WWOX: variants seen among roughly 807,000 people sequenced by gnomAD.
WWOX encodes the protein WW domain containing oxidoreductase.
A neutral mutation model predicts 46.2 loss-of-function variants in WWOX; 69 were observed. The observed-to-expected ratio is 1.49, with a 90% CI of 1.23 to 1.82. WWOX has a LOEUF of 1.82. Ranked by LOEUF, WWOX falls within the 40% of genes most tolerant of loss-of-function variation. The pLI, the probability that WWOX is intolerant of heterozygous loss-of-function variation, is 0.00. For missense variants in WWOX, 919 were observed against 542.6 expected, an observed-to-expected ratio of 1.69 and a Z score of -6.89; for synonymous variants, 359 against 202.6, an observed-to-expected ratio of 1.77 and a Z score of -6.56.
At chr16:78,429,445 C>G (rs1158899350) in intron 7 of WWOX, among the ~76,000 whole-genome samples, 1 of 152,050 alleles carries the variant, frequency 6.6e-6, no homozygotes, top group Non-Finnish European at 1.5e-5. Context: ...TGGAAGAGTT[C>G]ATTATGGAGA....
intron 8 of WWOX, among the ~76,000 whole-genome samples, chr16:79,060,133 C>T (rs369017073): frequency 6.6e-6 from 1 of 152,168 alleles, no homozygotes; most frequent in Admixed American, 6.6e-5. Context: ...CACCATTGTC[C>T]TCACCTATAC....
In WWOX at chr16:78,549,166, C is replaced by A. The variant is rs1025869169; in HGVS notation, c.1056+116414C>A. ...TACATCCGTAATTGGGAGAGATTGC[C>A]GGTCGTAAAGGAGGGACAATAGAAC... On this transcript the variant is annotated intron_variant, in intron 8 of 8. Coordinates refer to ENST00000566780, the MANE Select transcript of WWOX (RefSeq NM_016373.4). Among the ~76,000 whole-genome samples the A allele has an allele frequency of 4.1e-4, 63 of 152,066 alleles. 1 individual carries two copies. The highest frequency in any genetic ancestry group is 1.4e-3 in the African/African-American group (59 of 41,404).
rs59900108 is a variant in WWOX at position 78,541,473 on chromosome 16, C to CAAAAAA, written c.1056+108749_1056+108754dup. Among the ~76,000 whole-genome samples, 16 of 45,166 alleles carry CAAAAAA rather than the reference C, an allele frequency of 3.5e-4. 2 individuals carry two copies. The highest frequency in any genetic ancestry group is 9.8e-4 in the African/African-American group (9 of 9,192). 29.6% of individuals were successfully genotyped at this position (45,166 alleles called of 152,430 possible). ...TGGGCGACAGAGCGAGACTCCGTCTCAAAAAAAAAAAAAAAAAAAAAAAAA... is the reference window on the plus strand; with the variant it reads ...TGGGCGACAGAGCGAGACTCCGTCTCAAAAAAAAAAAAAAAAAAAAAAAAAAAAAAA... On this transcript the variant is annotated intron_variant, in intron 8 of 8. Transcript: ENST00000566780.
intron 8 of WWOX, among the ~76,000 whole-genome samples, chr16:78,804,704 A>T (rs1378576839): frequency 1.3e-5 from 2 of 152,150 alleles, no homozygotes; most frequent in Non-Finnish European, 2.9e-5. Flanking sequence ...TTTCTAATTT[A>T]GTGCTTGATA....
At chr16:79,023,530 T>C (rs537272474) in intron 8 of WWOX, among the ~76,000 whole-genome samples, 2 of 152,278 alleles carry the variant, frequency 1.3e-5, no homozygotes, top group African/African-American at 2.4e-5. Context: ...TGGGGCGTCC[T>C]TTAAGGTCTG....
At chr16:79,056,661 A>G (rs2048268086) in intron 8 of WWOX, among the ~76,000 whole-genome samples, 2 of 152,124 alleles carry the variant, frequency 1.3e-5, no homozygotes, top group African/African-American at 4.8e-5. Flanking sequence ...ACAAACACAA[A>G]TGTCTCCAAA....
chr16:78,387,041 G>C, intron 6 of WWOX, 93 bp downstream of exon 6: 3 of 1,336,022 alleles, frequency 2.2e-6, no homozygotes, highest in African/African-American at 2.9e-5. Context: ...CAAGGCTGTT[G>C]TGTTGTCTTG....
intron 8 of WWOX, among the ~76,000 whole-genome samples, chr16:78,453,099 C>T (rs2083731308): frequency 6.6e-6 from 1 of 151,894 alleles, no homozygotes; most frequent in Admixed American, 6.6e-5. Flanking sequence ...CAGGCTGCAG[C>T]TATTTATATC....
chr16:78,536,762 A>G (rs1171461293), intron 8 of WWOX, among the ~76,000 whole-genome samples: 2 of 152,124 alleles, frequency 1.3e-5, no homozygotes, highest in Non-Finnish European at 2.9e-5. Context: ...GAGGAGGAAA[A>G]GGTGACTTGC....
At chr16:78,561,720 C>A (rs2044442130) in intron 8 of WWOX, among the ~76,000 whole-genome samples, 2 of 152,028 alleles carry the variant, frequency 1.3e-5, no homozygotes, top group Non-Finnish European at 2.9e-5. Flanking sequence ...GGTAGAGCGC[C>A]TTATAGGGAA....
chr16:78,319,756 C>T (rs1167251142), intron 5 of WWOX, among the ~76,000 whole-genome samples: 1 of 152,194 alleles, frequency 6.6e-6, no homozygotes, highest in Non-Finnish European at 1.5e-5. Context: ...TCCATCTGCA[C>T]CGAGGTCTCT....
chr16:78,873,744 G>T (rs1015053528), intron 8 of WWOX, among the ~76,000 whole-genome samples: 1 of 152,068 alleles, frequency 6.6e-6, no homozygotes, highest in Admixed American at 6.5e-5. Flanking sequence ...AGCTGTTATT[G>T]TACCACTGTA....
At chr16:78,399,340 A>G (rs1357317517) in intron 6 of WWOX, among the ~76,000 whole-genome samples, 1 of 151,942 alleles carries the variant, frequency 6.6e-6, no homozygotes, top group Non-Finnish European at 1.5e-5. Flanking sequence ...AACAACTTCT[A>G]AAGTAATCAT....
At chr16:78,909,052 A>G (rs375788677) in intron 8 of WWOX, among the ~76,000 whole-genome samples, 2 of 152,240 alleles carry the variant, frequency 1.3e-5, no homozygotes, top group Non-Finnish European at 2.9e-5. Flanking sequence ...TTTCAAAGTT[A>G]AACCGTAAAC....
chr16:78,538,573 C>T (rs1363408871), intron 8 of WWOX, among the ~76,000 whole-genome samples: 3 of 152,170 alleles, frequency 2.0e-5, no homozygotes, highest in Non-Finnish European at 4.4e-5. Context: ...CTGAACTGCT[C>T]ATTCTGTTCT....
At chr16:78,261,419 TA>T (rs1298867352) in intron 5 of WWOX, among the ~76,000 whole-genome samples, 1 of 149,074 alleles carries the variant, frequency 6.7e-6, no homozygotes, top group Non-Finnish European at 1.5e-5. Context: ...AATAAATAAA[TA>T]AATAAATAAA....
intron 8 of WWOX, among the ~76,000 whole-genome samples, chr16:78,469,181 A>G (rs1359443178): frequency 1.3e-5 from 2 of 152,190 alleles, no homozygotes; most frequent in Non-Finnish European, 2.9e-5. Flanking sequence ...TGTTATGGAA[A>G]TCGTCAGGGA....
intron 8 of WWOX, among the ~76,000 whole-genome samples, chr16:78,756,584 C>T (rs907323776): frequency 1.3e-5 from 2 of 152,170 alleles, no homozygotes; most frequent in South Asian, 4.1e-4. Context: ...TATTGATATT[C>T]CTATGAGAGT....
intron 8 of WWOX, among the ~76,000 whole-genome samples, chr16:78,881,381 T>C (rs1020680107): frequency 3.3e-5 from 5 of 152,244 alleles, no homozygotes; most frequent in Admixed American, 1.3e-4. Flanking sequence ...GTTAAGTTTT[T>C]CTTGCAGACC....
Sources: gnomAD v4.1 joint callset for allele counts (sites outside exome capture counted in the v4.1 genomes callset) on GRCh38, gnomAD v4.1.1 for gene constraint, MANE v1.5 for transcripts, NCBI Gene and HGNC (gene_info 2026-07-23, HGNC 2026-07-21) for gene names.